Variants in PTPN1 observed in about 807,000 individuals in gnomAD.
PTPN1 encodes the protein tyrosine-protein phosphatase non-receptor type 1.
In PTPN1, 12 loss-of-function variants were observed where a neutral mutation model predicts 59.9. The ratio of observed to expected loss-of-function variants is 0.20; its 90% CI spans 0.13 to 0.32. The LOEUF (loss-of-function observed/expected upper bound fraction) is 0.32. Ranked by LOEUF, PTPN1 falls within the 10% of genes least tolerant of loss-of-function variation. PTPN1 has a pLI of 1.00. For synonymous variants in PTPN1, 178 were observed against 203.6 expected, an observed-to-expected ratio of 0.87 and a Z score of 1.07; for missense variants, 356 against 549.2, an observed-to-expected ratio of 0.65 and a Z score of 3.52.
intron 1 of PTPN1, among the ~76,000 whole-genome samples, chr20:50,533,025 C>CTTT (rs201927734): frequency 1.4e-5 from 2 of 145,344 alleles, no homozygotes; most frequent in South Asian, 4.4e-4. Flanking sequence ...TCTAATATCA[C>CTTT]TTTTTTTTTT....
intron 1 of PTPN1, among the ~76,000 whole-genome samples, chr20:50,527,609 T>C (rs1174137964): frequency 6.6e-6 from 1 of 152,162 alleles, no homozygotes; most frequent in Non-Finnish European, 1.5e-5. Context: ...GATCCACCCG[T>C]CAGCCTCCCA....
chr20:50,574,303 T>C, intron 4 of PTPN1: 1 of 516,108 alleles, frequency 1.9e-6, no homozygotes. Context: ...TTTGGAAGTC[T>C]GAGCCCTGTC....
At position 50,582,746 on chromosome 20, in the gene PTPN1, C is replaced by T. The variant is rs2082875308; in HGVS notation, c.*31C>T. On this transcript the variant is annotated 3_prime_UTR_variant, in exon 10 of 10. Coordinates refer to ENST00000371621, the MANE Select transcript of PTPN1 (RefSeq NM_002827.4). This position sits in a 1 kb window ranked among gnomAD's most constrained non-coding sequence, Gnocchi z 4.2. ...CCCTCCTCCACTCCACCTCCACCCA[C>T]TGTCCGCCTCTGCCCGCAGAGCCCA... 1 of 1,612,912 alleles carries T rather than the reference C, an allele frequency of 6.2e-7. No homozygotes were observed. The highest frequency in any genetic ancestry group is 8.5e-7 in the Non-Finnish European group (1 of 1,179,498).
At chr20:50,553,103 TG>T (rs2082710591) in intron 1 of PTPN1, among the ~76,000 whole-genome samples, 1 of 142,844 alleles carries the variant, frequency 7.0e-6, no homozygotes, top group African/African-American at 3.1e-5. Flanking sequence ...GGAATTTTTA[TG>T]TTTGGTTCTT....
At chr20:50,556,512 C>G (rs971738900) in intron 1 of PTPN1, among the ~76,000 whole-genome samples, 1 of 152,110 alleles carries the variant, frequency 6.6e-6, no homozygotes, top group Non-Finnish European at 1.5e-5. Context: ...ATTAGTTGTT[C>G]TCTAGTATGA....
chr20:50,530,138 T>C lies in PTPN1; in HGVS notation c.63+19548T>C, dbSNP rs182356831. 4.0e-3 allele frequency among the ~76,000 whole-genome samples: 603 copies of C among 151,034 alleles called. 2 individuals carry two copies. Among genetic ancestry groups the C allele is most frequent in the African/African-American group, 0.014 (565 of 41,190 alleles). ...ATCCACCTGCCTTGGCCTCCCAAAGTGCTGGGATTACAGGCCTTAGCCACT... is the reference window on the plus strand; with the variant it reads ...ATCCACCTGCCTTGGCCTCCCAAAGCGCTGGGATTACAGGCCTTAGCCACT... On this transcript the variant is annotated intron_variant, in intron 1 of 9. Transcript: ENST00000371621.
intron 1 of PTPN1, among the ~76,000 whole-genome samples, chr20:50,518,781 G>T (rs35044946): frequency 0.016 from 2,400 of 152,250 alleles, 167 homozygotes; most frequent in Admixed American, 0.13. Context: ...ATGCTCCGAG[G>T]TGGGGTGAGG....
intron 5 of PTPN1, 193 bp downstream of exon 5, chr20:50,574,847 A>G: frequency 1.7e-6 from 1 of 594,148 alleles, no homozygotes; most frequent in South Asian, 2.4e-5. Flanking sequence ...TGGAGGCCAC[A>G]GTGCTCTCTC....
chr20:50,547,307 A>G (rs2082679801), intron 1 of PTPN1, among the ~76,000 whole-genome samples: 1 of 152,192 alleles, frequency 6.6e-6, no homozygotes, highest in Non-Finnish European at 1.5e-5. Flanking sequence ...GAAGCTTACT[A>G]TAATGAAGTT....
At chr20:50,544,833 C>T (rs188452452) in intron 1 of PTPN1, among the ~76,000 whole-genome samples, 2 of 152,208 alleles carry the variant, frequency 1.3e-5, no homozygotes, top group African/African-American at 4.8e-5. Flanking sequence ...AGTGAAACCC[C>T]GTCTCTACTA....
At chr20:50,558,998 G>T (rs996189449) in intron 1 of PTPN1, among the ~76,000 whole-genome samples, 1 of 150,280 alleles carries the variant, frequency 6.7e-6, no homozygotes, top group Non-Finnish European at 1.5e-5. Flanking sequence ...GAGCATGGAT[G>T]ATAAAGGTAT....
At chr20:50,558,384 G>A (rs2082735217) in intron 1 of PTPN1, among the ~76,000 whole-genome samples, 1 of 152,100 alleles carries the variant, frequency 6.6e-6, no homozygotes, top group South Asian at 2.1e-4. Flanking sequence ...TTCAATAAAT[G>A]GTCAATATTT....
intron 1 of PTPN1, chr20:50,557,891 A>C (rs1395317753): frequency 6.6e-6 from 1 of 152,082 alleles, no homozygotes; most frequent in Non-Finnish European, 1.5e-5. Flanking sequence ...GGCATAACGC[A>C]TGCAGCCCAG....
intron 2 of PTPN1, among the ~76,000 whole-genome samples, chr20:50,564,264 T>C (rs570173712): frequency 6.6e-6 from 1 of 152,274 alleles, no homozygotes; most frequent in South Asian, 2.1e-4. Flanking sequence ...TGTTCCCTTT[T>C]AAAGATTGAA....
chr20:50,527,799 T>A (rs1482507760), intron 1 of PTPN1, among the ~76,000 whole-genome samples: 1 of 152,220 alleles, frequency 6.6e-6, no homozygotes, highest in Non-Finnish European at 1.5e-5. Flanking sequence ...CTCTATTTTT[T>A]CCTTTTCTTT....
At chr20:50,517,651 A>G (rs1011905492) in intron 1 of PTPN1, among the ~76,000 whole-genome samples, 26 of 152,322 alleles carry the variant, frequency 1.7e-4, no homozygotes, top group African/African-American at 2.4e-4. Flanking sequence ...TGGATACCCT[A>G]TGGTAATTAG....
intron 2 of PTPN1, among the ~76,000 whole-genome samples, chr20:50,561,732 C>T (rs750740695): frequency 2.1e-4 from 32 of 152,150 alleles, no homozygotes; most frequent in Non-Finnish European, 1.9e-4. Context: ...CATTTTCCTA[C>T]CAGCTGAAGC....
At chr20:50,579,635 C>A in intron 7 of PTPN1, 68 bp from the exon 8 acceptor site, 1 of 1,420,316 alleles carries the variant, frequency 7.0e-7, no homozygotes, top group Non-Finnish European at 9.9e-7. Flanking sequence ...TCTGCTCATG[C>A]AAAGGGATTT....
chr20:50,519,230 T>G (rs1252760574), intron 1 of PTPN1, among the ~76,000 whole-genome samples: 1 of 152,194 alleles, frequency 6.6e-6, no homozygotes, highest in Non-Finnish European at 1.5e-5. Context: ...CTTAACCACT[T>G]GTTTTCATCC....
Sources: gnomAD v4.1 joint callset for allele counts (sites outside exome capture counted in the v4.1 genomes callset) on GRCh38, gnomAD v4.1.1 for gene constraint, Gnocchi (gnomAD v3.1) non-coding constraint, MANE v1.5 for transcripts, NCBI Gene and HGNC (gene_info 2026-07-23, HGNC 2026-07-21) for gene names.